Variants in EIF2B3 observed in about 807,000 individuals in gnomAD.
EIF2B3 encodes translation initiation factor eIF2B subunit gamma.
EIF2B3 carries 20 observed loss-of-function variants against 54.1 expected under a neutral mutation model. The observed-to-expected ratio is 0.37, with a 90% CI of 0.26 to 0.54. The LOEUF is 0.54. EIF2B3 is among the 20% of genes least tolerant of loss of function. The pLI, the probability that EIF2B3 is intolerant of heterozygous loss-of-function variation, is 0.86. For synonymous variants in EIF2B3, 153 were observed against 188.1 expected, an observed-to-expected ratio of 0.81 and a Z score of 1.52; for missense variants, 448 against 547.8, an observed-to-expected ratio of 0.82 and a Z score of 1.82.
Position 44,902,829 on chromosome 1 carries a change from TAAAAA to T in EIF2B3, c.567-5390_567-5386del, listed in dbSNP as rs11458839. Among the ~76,000 whole-genome samples the T allele has an allele frequency of 9.5e-3, 808 of 85,468 alleles. 7 individuals are homozygous for T. The highest frequency in any genetic ancestry group is 0.01 in the African/African-American group (277 of 26,544). The allele number at this position is 85,468 out of a possible 152,430, so 56.1% of individuals were successfully genotyped here. A position where few individuals can be genotyped will look rare whatever the true frequency, so the allele number is the denominator to read the frequency against. On this transcript the variant is annotated intron_variant, in intron 5 of 11. Coordinates refer to ENST00000360403, the MANE Select transcript of EIF2B3 (RefSeq NM_020365.5). ...GGCAACAGAAAAGAGACTCTTTCTTTAAAAAAAAAAAAAAAAAAAAAAAAAAAGAA... is the reference window on the plus strand; with the variant it reads ...GGCAACAGAAAAGAGACTCTTTCTTTAAAAAAAAAAAAAAAAAAAAAAGAA...
chr1:44,912,399 A>AT (rs1239884000), intron 5 of EIF2B3, among the ~76,000 whole-genome samples: 1 of 151,912 alleles, frequency 6.6e-6, no homozygotes, highest in Non-Finnish European at 1.5e-5. Flanking sequence ...CTGTCAGATT[A>AT]TTTTTTTTCA....
chr1:44,909,382 A>G (rs1191628883), intron 5 of EIF2B3, among the ~76,000 whole-genome samples: 2 of 152,172 alleles, frequency 1.3e-5, no homozygotes, highest in Non-Finnish European at 2.9e-5. Flanking sequence ...GATGACAACA[A>G]AATTTTGGAA....
At chr1:44,954,077 G>A (rs1285928936) in intron 3 of EIF2B3, among the ~76,000 whole-genome samples, 2 of 152,004 alleles carry the variant, frequency 1.3e-5, no homozygotes, top group East Asian at 1.9e-4. Context: ...ATAAAACAAA[G>A]GTTATTTTAT....
At chr1:44,978,247 T>C (rs1050638305) in intron 3 of EIF2B3, 68 bp downstream of exon 3, 7 of 1,581,226 alleles carry the variant, frequency 4.4e-6, no homozygotes, top group Non-Finnish European at 6.1e-6. Context: ...AAGACTATAA[T>C]GCACTGGGAA....
intron 3 of EIF2B3, among the ~76,000 whole-genome samples, chr1:44,958,199 AC>A (rs1396717937): frequency 6.6e-6 from 1 of 152,112 alleles, no homozygotes; most frequent in African/African-American, 2.4e-5. Flanking sequence ...CTATCTACAG[AC>A]CCCCTGAAAA....
intron 1 of EIF2B3, among the ~76,000 whole-genome samples, chr1:44,981,556 A>C (rs1644512811): frequency 6.6e-6 from 1 of 152,200 alleles, no homozygotes; most frequent in African/African-American, 2.4e-5. Context: ...AAACACAGAG[A>C]AGTTTTTATA....
At position 44,955,573 on chromosome 1, in the gene EIF2B3, C is replaced by G. The variant is rs559303788; in HGVS notation, c.295-13908G>C. Among the ~76,000 whole-genome samples the G allele has an allele frequency of 2.6e-5, 4 of 152,140 alleles. No homozygotes were observed. The South Asian group carries it at 8.3e-4, about 32-fold the overall frequency. ...CAAAAGAAACTATCATCAGAGTGAACAAGCAACCTACAGAATGGGAGAAAA... is the reference window on the plus strand; with the variant it reads ...CAAAAGAAACTATCATCAGAGTGAAGAAGCAACCTACAGAATGGGAGAAAA... On this transcript the variant is annotated intron_variant, in intron 3 of 11. Transcript: ENST00000360403.
chr1:44,951,954 A>AATTTTTTTTT (rs1644166853), intron 3 of EIF2B3, among the ~76,000 whole-genome samples: 1 of 44,672 alleles, frequency 2.2e-5, no homozygotes, highest in South Asian at 8.6e-4. Context: ...TGCCTGGCTA[A>AATTTTTTTTT]TTTTTTTTTT....
At chr1:44,874,487 C>T in intron 10 of EIF2B3, 191 bp downstream of exon 10, 8 of 621,492 alleles carry the variant, frequency 1.3e-5, no homozygotes, top group Non-Finnish European at 1.6e-5. Context: ...GTTTATTTTC[C>T]ATTTTAGAGG....
At chr1:44,948,749 T>A (rs1468860554) in intron 3 of EIF2B3, among the ~76,000 whole-genome samples, 1 of 152,200 alleles carries the variant, frequency 6.6e-6, no homozygotes, top group Admixed American at 6.5e-5. Flanking sequence ...AAGTTGGAAT[T>A]CCTTAGCATG....
intron 10 of EIF2B3, chr1:44,874,465 T>C (rs976240943): frequency 7.0e-6 from 4 of 575,356 alleles, no homozygotes; most frequent in Non-Finnish European, 9.1e-6. Flanking sequence ...GTTTCTGATC[T>C]TTCTCTGTTT....
At chr1:44,948,106 G>A (rs1293399172) in intron 3 of EIF2B3, among the ~76,000 whole-genome samples, 2 of 152,220 alleles carry the variant, frequency 1.3e-5, no homozygotes, top group Non-Finnish European at 2.9e-5. Context: ...AGTCCTCAAA[G>A]TGCAAGGCCA....
chr1:44,883,229 T>C (rs1282003087), intron 6 of EIF2B3, among the ~76,000 whole-genome samples: 1 of 151,978 alleles, frequency 6.6e-6, no homozygotes, highest in African/African-American at 2.4e-5. Context: ...TGAGCCACCA[T>C]GCCTAGCCAG....
At chr1:44,981,463 C>T (rs778047608) in intron 1 of EIF2B3, among the ~76,000 whole-genome samples, 5 of 152,128 alleles carry the variant, frequency 3.3e-5, no homozygotes, top group Non-Finnish European at 5.9e-5. Context: ...CAGTAAATCA[C>T]AATATATGTC....
chr1:44,978,746 C>T (rs1304958872), intron 2 of EIF2B3, among the ~76,000 whole-genome samples: 3 of 150,178 alleles, frequency 2.0e-5, no homozygotes, highest in Non-Finnish European at 4.4e-5. Flanking sequence ...AGGCAATCCT[C>T]CCACCTCAGC....
chr1:44,908,476 G>A (rs1469306979), intron 5 of EIF2B3, among the ~76,000 whole-genome samples: 1 of 152,154 alleles, frequency 6.6e-6, no homozygotes, highest in African/African-American at 2.4e-5. Context: ...TTTGGCTGAA[G>A]GATTACCAGG....
chr1:44,918,323 C>G (rs1643669004), intron 5 of EIF2B3, among the ~76,000 whole-genome samples: 1 of 151,826 alleles, frequency 6.6e-6, no homozygotes, highest in Non-Finnish European at 1.5e-5. Context: ...CTCAAGTGAC[C>G]TGGCCGTCTT....
chr1:44,885,833 C>T (rs1655561719), intron 6 of EIF2B3, among the ~76,000 whole-genome samples: 1 of 151,388 alleles, frequency 6.6e-6, no homozygotes, highest in Non-Finnish European at 1.5e-5. Context: ...CTCCCAGGTT[C>T]AAGTGATTCT....
At chr1:44,854,194 G>T (rs1198976973) in intron 11 of EIF2B3, among the ~76,000 whole-genome samples, 1 of 151,936 alleles carries the variant, frequency 6.6e-6, no homozygotes, top group Non-Finnish European at 1.5e-5. Context: ...GTAGAGATGA[G>T]GTTTCACCAT....
Sources: allele counts gnomAD v4.1 joint callset (sites outside exome capture counted in the v4.1 genomes callset), GRCh38; gene constraint gnomAD v4.1.1; transcripts MANE v1.5; gene names NCBI Gene and HGNC (gene_info 2026-07-23, HGNC 2026-07-21).